PTPRG: variants seen among roughly 807,000 people sequenced by gnomAD.
The protein encoded by PTPRG is protein tyrosine phosphatase receptor type G.
PTPRG carries 102 observed loss-of-function variants against 165.3 expected under a neutral mutation model. The observed-to-expected ratio is 0.62, with a 90% CI of 0.53 to 0.73. The LOEUF (loss-of-function observed/expected upper bound fraction) is 0.73. Ranked by LOEUF, PTPRG falls within the 30% of genes least tolerant of loss-of-function variation. PTPRG has a pLI of 0.00. For synonymous variants in PTPRG, 675 were observed against 669.5 expected, an observed-to-expected ratio of 1.01 and a Z score of -0.13; for missense variants, 1,866 against 1,861.4, an observed-to-expected ratio of 1.00 and a Z score of -0.05.
intron 2 of PTPRG, among the ~76,000 whole-genome samples, chr3:61,857,270 G>C (rs2037135700): frequency 6.6e-6 from 1 of 152,102 alleles, no homozygotes; most frequent in Admixed American, 6.6e-5. Flanking sequence ...AGTTCATACA[G>C]ACCTCCAGTG....
chr3:61,839,759 A>T (rs2036569117), intron 2 of PTPRG, among the ~76,000 whole-genome samples: 1 of 152,204 alleles, frequency 6.6e-6, no homozygotes, highest in Non-Finnish European at 1.5e-5. Flanking sequence ...GGGAAAAAGA[A>T]TTGCTTTGGA....
intron 2 of PTPRG, among the ~76,000 whole-genome samples, chr3:61,814,784 G>T (rs745895072): frequency 6.6e-5 from 10 of 150,636 alleles, no homozygotes; most frequent in Non-Finnish European, 1.5e-4. Context: ...TGACTGGGAG[G>T]GGCTCAGGGA....
intron 1 of PTPRG, among the ~76,000 whole-genome samples, chr3:61,638,457 T>G (rs1366906412): frequency 2.0e-5 from 3 of 152,116 alleles, no homozygotes; most frequent in Non-Finnish European, 4.4e-5. Flanking sequence ...CTCTTTTGAT[T>G]GCCAGTTATC....
intron 2 of PTPRG, among the ~76,000 whole-genome samples, chr3:61,831,257 G>A (rs966680967): frequency 6.6e-6 from 1 of 152,184 alleles, no homozygotes; most frequent in Non-Finnish European, 1.5e-5. Context: ...AGAAATATGT[G>A]TGTAAACATC....
chr3:61,842,084 T>C (rs1375872419), intron 2 of PTPRG, among the ~76,000 whole-genome samples: 2 of 152,204 alleles, frequency 1.3e-5, no homozygotes, highest in Non-Finnish European at 2.9e-5. Flanking sequence ...TTTTATTTAA[T>C]AAACACAGTT....
At chr3:61,944,969 T>C (rs533172391) in intron 2 of PTPRG, among the ~76,000 whole-genome samples, 99 of 152,300 alleles carry the variant, frequency 6.5e-4, no homozygotes, top group African/African-American at 2.2e-3. Context: ...GCAGTGGCTC[T>C]GCTGGAAAAG....
chr3:62,029,454 TA>T (rs1699691045), intron 4 of PTPRG, among the ~76,000 whole-genome samples: 1 of 152,172 alleles, frequency 6.6e-6, no homozygotes, highest in African/African-American at 2.4e-5. Context: ...AGCGCACCCT[TA>T]AAAACGCTAA....
intron 2 of PTPRG, among the ~76,000 whole-genome samples, chr3:61,924,456 G>C (rs1477838025): frequency 6.6e-6 from 1 of 152,216 alleles, no homozygotes; most frequent in Non-Finnish European, 1.5e-5. Context: ...TTATATTGAA[G>C]AGCCAGAGAA....
At chr3:62,063,482 G>A (rs138114506) in intron 4 of PTPRG, among the ~76,000 whole-genome samples, 3 of 152,178 alleles carry the variant, frequency 2.0e-5, no homozygotes, top group East Asian at 1.9e-4. Flanking sequence ...GCAAAGATAC[G>A]GTCTGAGAGA....
At chr3:61,869,353 G>C (rs891619988) in intron 2 of PTPRG, among the ~76,000 whole-genome samples, 1 of 152,198 alleles carries the variant, frequency 6.6e-6, no homozygotes, top group Non-Finnish European at 1.5e-5. Context: ...CAAACTGTGT[G>C]CAGATCTTTG....
intron 2 of PTPRG, among the ~76,000 whole-genome samples, chr3:61,984,378 C>G (rs888362127): frequency 6.6e-6 from 1 of 152,122 alleles, no homozygotes; most frequent in African/African-American, 2.4e-5. Flanking sequence ...ACCGTAGTCT[C>G]TTGTTTCCTT....
intron 5 of PTPRG, chr3:62,124,401 C>G: frequency 6.2e-7 from 1 of 1,613,888 alleles, no homozygotes; most frequent in Non-Finnish European, 8.5e-7. Context: ...AAGATGTAGT[C>G]GATGACGTGC....
chr3:61,709,941 T>C (rs1463281362), intron 1 of PTPRG, among the ~76,000 whole-genome samples: 3 of 152,134 alleles, frequency 2.0e-5, no homozygotes, highest in African/African-American at 7.2e-5. Flanking sequence ...AGCCTGAGAA[T>C]TGGCGTTTCT....
chr3:61,872,995 G>GA (rs1370171586), intron 2 of PTPRG, among the ~76,000 whole-genome samples: 1 of 152,142 alleles, frequency 6.6e-6, no homozygotes, highest in Non-Finnish European at 1.5e-5. Context: ...CAGAGTGTAA[G>GA]AATGAATTCG....
chr3:62,210,109 T>G lies in PTPRG; in HGVS notation c.2155+6159T>G, dbSNP rs541491285. Among the ~76,000 whole-genome samples the G allele has an allele frequency of 5.9e-5, 9 of 152,302 alleles. No homozygotes were observed. The highest frequency in any genetic ancestry group is 1.3e-4 in the Non-Finnish European group (9 of 68,026). Reference sequence around the variant, plus strand: ...AGAGATGACAGACCATCATTTTGATTGTTTGAGTCTGGTGAATTAAGCTCT... The same window carrying G: ...AGAGATGACAGACCATCATTTTGATGGTTTGAGTCTGGTGAATTAAGCTCT... On this transcript the variant is annotated intron_variant, in intron 12 of 29. Coordinates refer to ENST00000474889, the MANE Select transcript of PTPRG (RefSeq NM_002841.4). This position sits in a 1 kb window ranked among gnomAD's most constrained non-coding sequence, Gnocchi z 4.1.
At chr3:61,654,498 C>T (rs755074302) in intron 1 of PTPRG, among the ~76,000 whole-genome samples, 14 of 151,900 alleles carry the variant, frequency 9.2e-5, no homozygotes, top group Non-Finnish European at 1.6e-4. Flanking sequence ...AATTCTCATA[C>T]CTCAGCCTCC....
intron 4 of PTPRG, among the ~76,000 whole-genome samples, chr3:62,032,772 G>C (rs1474172808): frequency 6.6e-6 from 1 of 152,122 alleles, no homozygotes; most frequent in African/African-American, 2.4e-5. Flanking sequence ...TTTATGGCTG[G>C]AAATTTTAAT....
At chr3:61,940,450 G>A (rs999669311) in intron 2 of PTPRG, among the ~76,000 whole-genome samples, 1 of 152,168 alleles carries the variant, frequency 6.6e-6, no homozygotes, top group African/African-American at 2.4e-5. Flanking sequence ...TAGCAGTGAG[G>A]ATACTCTGAA....
chr3:62,170,302 TTGAC>T (rs916275884), intron 8 of PTPRG, among the ~76,000 whole-genome samples: 2 of 152,144 alleles, frequency 1.3e-5, no homozygotes, highest in African/African-American at 2.4e-5. Context: ...CCAAGAGAAG[TTGAC>T]TGAGAAAATC....
Sources: gnomAD v4.1 joint callset for allele counts (sites outside exome capture counted in the v4.1 genomes callset) on GRCh38, gnomAD v4.1.1 for gene constraint, Gnocchi (gnomAD v3.1) non-coding constraint, MANE v1.5 for transcripts, NCBI Gene and HGNC (gene_info 2026-07-23, HGNC 2026-07-21) for gene names.